Variants in BICC1 observed in about 807,000 individuals in gnomAD.
BICC1 encodes protein bicaudal C homolog 1.
In BICC1, 43 loss-of-function variants were observed where a neutral mutation model predicts 111.0. The ratio of observed to expected loss-of-function variants is 0.39; its 90% confidence interval spans 0.30 to 0.50. The LOEUF (loss-of-function observed/expected upper bound fraction) is 0.50. Among genes scored for constraint, BICC1 ranks in the 20% least tolerant of loss-of-function variants. The pLI, the probability that BICC1 is intolerant of heterozygous loss-of-function variation, is 0.88. For synonymous variants in BICC1, 467 were observed against 434.4 expected, an observed-to-expected ratio of 1.07 and a Z score of -0.93; for missense variants, 1,091 against 1,203.2, an observed-to-expected ratio of 0.91 and a Z score of 1.38.
intron 2 of BICC1, among the ~76,000 whole-genome samples, chr10:58,693,091 A>G (rs1041999818): frequency 2.6e-5 from 4 of 151,926 alleles, no homozygotes; most frequent in Non-Finnish European, 4.4e-5. Flanking sequence ...ATTCCCACCT[A>G]TGAGTGAGAA....
chr10:58,601,852 A>ATTAAATTT (rs1845052342), intron 1 of BICC1, among the ~76,000 whole-genome samples: 1 of 152,104 alleles, frequency 6.6e-6, no homozygotes, highest in Non-Finnish European at 1.5e-5. Context: ...TGTATCTTGA[A>ATTAAATTT]TTGAAGATCA....
intron 1 of BICC1, among the ~76,000 whole-genome samples, chr10:58,559,638 G>T (rs1843549446): frequency 6.6e-6 from 1 of 152,052 alleles, no homozygotes; most frequent in Non-Finnish European, 1.5e-5. Context: ...AATGTGAGTG[G>T]TAAAAGTGGA....
intron 3 of BICC1, among the ~76,000 whole-genome samples, chr10:58,769,946 T>G (rs1194268132): frequency 3.3e-5 from 5 of 152,118 alleles, no homozygotes; most frequent in African/African-American, 1.2e-4. Flanking sequence ...AGCGTAAAAG[T>G]AGTGCTACAA....
At chr10:58,692,660 T>C (rs1839945266) in intron 2 of BICC1, among the ~76,000 whole-genome samples, 1 of 152,208 alleles carries the variant, frequency 6.6e-6, no homozygotes, top group Non-Finnish European at 1.5e-5. Flanking sequence ...CTTTTTGTTG[T>C]ATAATTTACA....
At chr10:58,667,764 A>G (rs1839061214) in intron 2 of BICC1, among the ~76,000 whole-genome samples, 1 of 152,134 alleles carries the variant, frequency 6.6e-6, no homozygotes, top group Non-Finnish European at 1.5e-5. Context: ...ATAGAGTGTC[A>G]GAGAGATGAC....
chr10:58,746,027 G>T (rs1049803504), intron 3 of BICC1, among the ~76,000 whole-genome samples: 10 of 152,198 alleles, frequency 6.6e-5, no homozygotes, highest in African/African-American at 2.4e-4. Context: ...GGAGAAGTAG[G>T]AAGAATTATG....
intron 1 of BICC1, among the ~76,000 whole-genome samples, chr10:58,533,746 A>G (rs1263819034): frequency 6.6e-6 from 1 of 151,848 alleles, no homozygotes; most frequent in Non-Finnish European, 1.5e-5. Context: ...ATATGGAAAT[A>G]TAAAGCTCTC....
intron 2 of BICC1, among the ~76,000 whole-genome samples, chr10:58,685,298 T>A (rs915583385): frequency 2.6e-5 from 4 of 152,182 alleles, no homozygotes; most frequent in African/African-American, 9.7e-5. Flanking sequence ...AACTGTGTGG[T>A]CAGTTTTGGA....
chr10:58,606,944 G>A (rs1332897609), intron 1 of BICC1, among the ~76,000 whole-genome samples: 4 of 152,090 alleles, frequency 2.6e-5, no homozygotes, highest in Non-Finnish European at 5.9e-5. Flanking sequence ...TGTATGTCTT[G>A]TTCTTTCTGG....
At chr10:58,807,393 G>A (rs1843742882) in intron 17 of BICC1, among the ~76,000 whole-genome samples, 1 of 152,088 alleles carries the variant, frequency 6.6e-6, no homozygotes, top group African/African-American at 2.4e-5. Flanking sequence ...TGTAAATTTG[G>A]ATGTGAGTTT....
chr10:58,626,952 A>G (rs945614234), intron 2 of BICC1, among the ~76,000 whole-genome samples: 5 of 152,096 alleles, frequency 3.3e-5, no homozygotes, highest in African/African-American at 9.7e-5. Context: ...TAAAAATACA[A>G]AGTTAGCTGG....
chr10:58,659,915 A>G (rs1470799744), intron 2 of BICC1, among the ~76,000 whole-genome samples: 1 of 152,216 alleles, frequency 6.6e-6, no homozygotes, highest in Non-Finnish European at 1.5e-5. Context: ...TTATTATTAT[A>G]CTGTGCTGAC....
chr10:58,557,798 CAT>C (rs1215319276), intron 1 of BICC1, among the ~76,000 whole-genome samples: 11 of 152,004 alleles, frequency 7.2e-5, no homozygotes, highest in African/African-American at 2.7e-4. Context: ...GTTATTCTAA[CAT>C]GTAACAATTC....
chr10:58,738,308 G>C (rs1841541224), intron 3 of BICC1, among the ~76,000 whole-genome samples: 1 of 149,470 alleles, frequency 6.7e-6, no homozygotes, highest in Admixed American at 6.7e-5. Flanking sequence ...TCTCCATAAG[G>C]CTAGCCAGTT....
At chr10:58,744,963 A>AGTGT (rs1841787198) in intron 3 of BICC1, among the ~76,000 whole-genome samples, 1 of 152,114 alleles carries the variant, frequency 6.6e-6, no homozygotes, top group African/African-American at 2.4e-5. Context: ...TTCTTATAAG[A>AGTGT]GTGTTTTTAT....
At chr10:58,769,402 G>GTA (rs879547814) in intron 3 of BICC1, among the ~76,000 whole-genome samples, 114 of 112,240 alleles carry the variant, frequency 1.0e-3, no homozygotes, top group African/African-American at 3.1e-3. Context: ...GTGTGTGTGT[G>GTA]TGTATATATA....
At chr10:58,631,132 A>G (rs956051441) in intron 2 of BICC1, among the ~76,000 whole-genome samples, 2 of 152,102 alleles carry the variant, frequency 1.3e-5, no homozygotes, top group Admixed American at 6.5e-5. Context: ...TCTCTTTGTC[A>G]TTGGCATTAA....
intron 2 of BICC1, among the ~76,000 whole-genome samples, chr10:58,655,213 T>C (rs1464082161): frequency 2.0e-5 from 3 of 146,886 alleles, no homozygotes; most frequent in Non-Finnish European, 1.5e-5. Flanking sequence ...TTTCCAATTC[T>C]GTGAAGAAAG....
chr10:58,611,880 A>C (rs1029365451), intron 1 of BICC1, among the ~76,000 whole-genome samples: 5 of 152,214 alleles, frequency 3.3e-5, no homozygotes, highest in African/African-American at 1.2e-4. Flanking sequence ...AATATTTAAG[A>C]AAAAATATTA....
Sources: gnomAD v4.1 joint callset for allele counts (sites outside exome capture counted in the v4.1 genomes callset) on GRCh38, gnomAD v4.1.1 for gene constraint, MANE v1.5 for transcripts, NCBI Gene and HGNC (gene_info 2026-07-23, HGNC 2026-07-21) for gene names.